The following RCC2 variants were observed in gnomAD, a reference collection of about 807,000 sequenced individuals.
RCC2 encodes regulator of chromosome condensation 2.
A neutral mutation model predicts 64.1 loss-of-function variants in RCC2; 19 were observed. The ratio of observed to expected loss-of-function variants is 0.30; its 90% CI spans 0.21 to 0.44. RCC2 has a LOEUF of 0.44. Among genes scored for constraint, RCC2 ranks in the 20% least tolerant of loss-of-function variants. The probability of loss-of-function intolerance (pLI) is 1.00; values close to 1 mark genes in which losing one functional copy is unlikely to be tolerated. For synonymous variants in RCC2, 325 were observed against 279.6 expected, an observed-to-expected ratio of 1.16 and a Z score of -1.62; for missense variants, 508 against 710.4, an observed-to-expected ratio of 0.72 and a Z score of 3.24.
At chr1:17,417,410 G>A (rs1193444781) in intron 7 of RCC2, among the ~76,000 whole-genome samples, 1 of 152,206 alleles carries the variant, frequency 6.6e-6, no homozygotes, top group Non-Finnish European at 1.5e-5. Context: ...GGCCACGCCT[G>A]GAATCCCAGC....
At chr1:17,432,076 G>A (rs540667796) in intron 2 of RCC2, among the ~76,000 whole-genome samples, 5 of 152,176 alleles carry the variant, frequency 3.3e-5, no homozygotes, top group African/African-American at 7.2e-5. Context: ...CAACAAGAGC[G>A]AAACTCTGTC....
At chr1:17,431,380 A>ATATATATATATATG (rs1296766456) in intron 2 of RCC2, among the ~76,000 whole-genome samples, 2 of 99,950 alleles carry the variant, frequency 2.0e-5, no homozygotes, top group African/African-American at 7.2e-5. Context: ...ATATATATAT[A>ATATATATATATATG]TGTGGGCTGG....
chr1:17,433,570 C>T (rs990407086), intron 2 of RCC2, among the ~76,000 whole-genome samples: 4 of 152,170 alleles, frequency 2.6e-5, no homozygotes, highest in Non-Finnish European at 5.9e-5. Context: ...ATAAAGGCCA[C>T]GCAGCAGACA....
rs1283755995 is a variant in RCC2, at chr1:17,412,791, G to A, written c.1313+282C>T. On this transcript the variant is annotated intron_variant, in intron 10 of 12. Coordinates refer to ENST00000375436, the MANE Select transcript of RCC2 (RefSeq NM_018715.4). ...CTACGTATAATTTTCAACCTGCAGC[G>A]TAGGAATACATCAAGCTCTGCTTGT... 5.3e-5 allele frequency among the ~76,000 whole-genome samples: 8 copies of A among 152,336 alleles called. No individual in the cohort carries two copies. In the East Asian group the frequency reaches 5.8e-4, roughly 11 times the overall value.
intron 7 of RCC2, among the ~76,000 whole-genome samples, chr1:17,419,705 C>T (rs2075529919): frequency 6.6e-6 from 1 of 152,150 alleles, no homozygotes; most frequent in Non-Finnish European, 1.5e-5. Context: ...TGCTTCCTGA[C>T]GGAAAATCGA....
At chr1:17,409,337 C>T in intron 12 of RCC2, 143 bp from the exon 13 acceptor site, 3 of 636,682 alleles carry the variant, frequency 4.7e-6, no homozygotes, top group Non-Finnish European at 5.6e-6. Context: ...AGCCCCTCTG[C>T]CCAAGACAGC....
In RCC2 at chr1:17,412,200, A is replaced by C; in HGVS notation, c.1314-6T>G. 6.2e-7 allele frequency: 1 copy of C among 1,614,022 alleles called. No homozygotes were observed. The highest frequency in any genetic ancestry group is 8.5e-7 in the Non-Finnish European group (1 of 1,179,944). On this transcript the variant is annotated splice_region_variant and splice_polypyrimidine_tract_variant and intron_variant, in intron 10 of 12. Coordinates refer to ENST00000375436, the MANE Select transcript of RCC2 (RefSeq NM_018715.4). ...CCACAATGATGCTGCTCTTCCTGCA[A>C]ACAGGCAGGCTGTCACTGCAGGGCC...
intron 2 of RCC2, among the ~76,000 whole-genome samples, chr1:17,430,488 C>CA (rs370012940): frequency 0.45 from 57,859 of 128,518 alleles, 11,838 homozygotes; most frequent in African/African-American, 0.49. Flanking sequence ...GGCCTTGTCT[C>CA]AAAAAAAAAA....
chr1:17,431,007 C>T (rs978757191), intron 2 of RCC2, among the ~76,000 whole-genome samples: 1 of 151,578 alleles, frequency 6.6e-6, no homozygotes, highest in African/African-American at 2.4e-5. Flanking sequence ...AATAAAATAA[C>T]GCCGATGAAA....
In RCC2 at chr1:17,408,785, AACTT is replaced by A. The variant is rs1454461931; in HGVS notation, c.*301_*304del. ...GTATTCAGGAGAGGAAGAAAGAAAA[AACTT>A]AAAAAAAAAAAAAACCTAGATTGCT... is the stretch of plus-strand genomic sequence containing the variant. On this transcript the variant is annotated 3_prime_UTR_variant, in exon 13 of 13. Coordinates refer to ENST00000375436, the MANE Select transcript of RCC2 (RefSeq NM_018715.4). 6.6e-6 allele frequency: 2 copies of A among 303,124 alleles called. No individual in the cohort carries two copies. Among genetic ancestry groups the A allele is most frequent in the Admixed American group, 4.6e-5 (1 of 21,584 alleles). 18.8% of individuals were successfully genotyped at this position (303,124 alleles called of 1,614,324 possible).
chr1:17,409,825 T>G (rs2075405609), intron 12 of RCC2, 149 bp downstream of exon 12: 1 of 716,768 alleles, frequency 1.4e-6, no homozygotes, highest in South Asian at 1.6e-5. Flanking sequence ...TTGTTACCTC[T>G]CAAACAAATC....
At chr1:17,413,860 C>G in intron 8 of RCC2, 143 bp from the exon 9 acceptor site, 1 of 772,948 alleles carries the variant, frequency 1.3e-6, no homozygotes, top group East Asian at 2.7e-5. Context: ...CAGCCGGGCA[C>G]GGTGGTTCAC....
At chr1:17,422,599 G>T (rs2075567386) in intron 5 of RCC2, 106 bp downstream of exon 5, 1 of 1,439,202 alleles carries the variant, frequency 6.9e-7, no homozygotes, top group South Asian at 1.3e-5. Flanking sequence ...TTCTGATCCT[G>T]ACCAAGAGTC....
chr1:17,416,078 A>AGGGGGGGGG (rs35085981), intron 8 of RCC2, among the ~76,000 whole-genome samples: 1 of 50,816 alleles, frequency 2.0e-5, no homozygotes, highest in African/African-American at 8.5e-5. Context: ...CAAAAAAAAA[A>AGGGGGGGGG]GGGGGGGGGG....
At chr1:17,414,333 C>T (rs376192629) in intron 8 of RCC2, among the ~76,000 whole-genome samples, 1 of 151,932 alleles carries the variant, frequency 6.6e-6, no homozygotes, top group African/African-American at 2.4e-5. Context: ...AATTCAAGAC[C>T]AGCCTGGGCA....
intron 2 of RCC2, among the ~76,000 whole-genome samples, chr1:17,433,922 TTTTA>T (rs1175135527): frequency 6.6e-6 from 1 of 152,040 alleles, no homozygotes; most frequent in African/African-American, 2.4e-5. Flanking sequence ...TGGCTTTCAG[TTTTA>T]TTTATTTGCT....
At chr1:17,438,790 G>T (rs1392335554) in intron 1 of RCC2, among the ~76,000 whole-genome samples, 1 of 152,138 alleles carries the variant, frequency 6.6e-6, no homozygotes, top group Admixed American at 6.5e-5. Flanking sequence ...CGGCCTATCC[G>T]TAAGTTAGGT....
intron 2 of RCC2, among the ~76,000 whole-genome samples, chr1:17,436,165 A>C (rs2075733523): frequency 6.6e-6 from 1 of 152,200 alleles, no homozygotes; most frequent in Admixed American, 6.5e-5. Context: ...TATAAACAGG[A>C]ACTTAAAAGC....
At chr1:17,422,982 G>T in intron 4 of RCC2, 146 bp from the exon 5 acceptor site, 1 of 1,043,780 alleles carries the variant, frequency 9.6e-7, no homozygotes, top group Non-Finnish European at 1.4e-6. Flanking sequence ...AAGATCCAGA[G>T]CAAAGAACGC....
Sources: gnomAD v4.1 joint callset for allele counts (sites outside exome capture counted in the v4.1 genomes callset) on GRCh38, gnomAD v4.1.1 for gene constraint, MANE v1.5 for transcripts, NCBI Gene and HGNC (gene_info 2026-07-23, HGNC 2026-07-21) for gene names.